XPOT: variants seen among roughly 807,000 people sequenced by gnomAD.
XPOT encodes exportin for tRNA.
A neutral mutation model predicts 128.2 loss-of-function variants in XPOT; 34 were observed. The ratio of observed to expected loss-of-function variants is 0.27; its 90% confidence interval spans 0.20 to 0.35. XPOT has a LOEUF of 0.35. Ranked by LOEUF, XPOT falls within the 10% of genes least tolerant of loss-of-function variation. The pLI is 1.00. For synonymous variants in XPOT, 348 were observed against 394.3 expected (o/e 0.88, Z 1.39); for missense variants, 838 against 1,125.3 (o/e 0.74, Z 3.65).
Position 64,416,815 on chromosome 12 carries a change from A to G in XPOT, c.200+61A>G, listed in dbSNP as rs773181235. On this transcript the variant is annotated intron_variant, in intron 4 of 24. Transcript: ENST00000332707. ...GGGGAGAGGTCATTTTTTTAATTTA[A>G]TGTTTTTCTTCCATAAGGAAACCAT... The G allele has an allele frequency of 2.8e-6, 4 of 1,408,356 alleles. No individual in the cohort carries two copies. The African/African-American group carries it at 4.3e-5, about 15-fold the overall frequency. 87.2% of individuals were successfully genotyped at this position (1,408,356 alleles called of 1,614,324 possible). A position where few individuals can be genotyped will look rare whatever the true frequency, so the allele number is the denominator to read the frequency against.
At chr12:64,419,463 A>G (rs765050325) in intron 6 of XPOT, among the ~76,000 whole-genome samples, 3 of 152,064 alleles carry the variant, frequency 2.0e-5, no homozygotes, top group Non-Finnish European at 4.4e-5. Flanking sequence ...GATTATAGGC[A>G]CATGCCACCA....
At chr12:64,437,592 A>G (rs1380916790) in intron 22 of XPOT, among the ~76,000 whole-genome samples, 1 of 152,176 alleles carries the variant, frequency 6.6e-6, no homozygotes, top group Non-Finnish European at 1.5e-5. Context: ...ATGAGACTAG[A>G]TAAAAGCCTT....
In XPOT at chr12:64,409,989, G is replaced by C. The variant is rs975460691; in HGVS notation, c.-47G>C. ...GTTTATAAATTCTTCTGTGGGATCA[G>C]AGGGCACGCCTATTACAACCAGAAA... is the stretch of plus-strand genomic sequence containing the variant. On this transcript the variant is annotated 5_prime_UTR_variant, in exon 2 of 25. Transcript: ENST00000332707. The C allele has an allele frequency of 6.6e-7, 1 of 1,524,032 alleles. No homozygotes were observed. Among genetic ancestry groups the C allele is most frequent in the East Asian group, 2.3e-5 (1 of 44,372 alleles). The allele number at this position is 1,524,032 out of a possible 1,614,324, so 94.4% of individuals were successfully genotyped here.
intron 6 of XPOT, among the ~76,000 whole-genome samples, chr12:64,419,515 G>T (rs933103761): frequency 6.6e-5 from 10 of 152,048 alleles, no homozygotes; most frequent in Non-Finnish European, 1.5e-4. Flanking sequence ...ATTGGGTTTC[G>T]CCAGGCTGTG....
intron 12 of XPOT, 61 bp downstream of exon 12, chr12:64,424,784 C>T: frequency 2.5e-6 from 4 of 1,581,872 alleles, no homozygotes; most frequent in Non-Finnish European, 3.4e-6. Flanking sequence ...TGATATGGGT[C>T]AAAATAAATG....
In XPOT at chr12:64,449,864, G is replaced by A. The variant is rs1336915430; in HGVS notation, c.*1733G>A. ...ATACTAATGAATAGCATAGCATAGT[G>A]GGTAAGAGTTTATATAGCACAGGCT... On this transcript the variant is annotated 3_prime_UTR_variant, in exon 25 of 25. Transcript: ENST00000332707. 6.6e-6 allele frequency: 1 copy of A among 152,196 alleles called. No individual in the cohort carries two copies. The highest frequency in any genetic ancestry group is 1.5e-5 in the Non-Finnish European group (1 of 68,034). 9.4% of individuals were successfully genotyped at this position (152,196 alleles called of 1,614,324 possible). A position where few individuals can be genotyped will look rare whatever the true frequency, so the allele number is the denominator to read the frequency against.
In XPOT at chr12:64,451,109, A is replaced by C. The variant is rs2040409624; in HGVS notation, c.*2978A>C. On this transcript the variant is annotated 3_prime_UTR_variant, in exon 25 of 25. Transcript: ENST00000332707. The stretch of plus-strand genomic sequence containing the variant: ...ACATTGTTTAAAATGCTAATAAAGT[A>C]ACTTGCTTTGTAAGAATTCATTAGA... The C allele has an allele frequency of 6.6e-6, 1 of 152,256 alleles. No individual in the cohort carries two copies. Among genetic ancestry groups the C allele is most frequent in the African/African-American group, 2.4e-5 (1 of 41,456 alleles). 9.4% of individuals were successfully genotyped at this position (152,256 alleles called of 1,614,324 possible). A position where few individuals can be genotyped will look rare whatever the true frequency, so the allele number is the denominator to read the frequency against.
intron 2 of XPOT, among the ~76,000 whole-genome samples, chr12:64,411,774 T>C (rs1032660532): frequency 1.1e-4 from 17 of 152,160 alleles, no homozygotes; most frequent in African/African-American, 3.9e-4. Flanking sequence ...CAGTTGTCTA[T>C]CTGTAATTCT....
Position 64,423,244 on chromosome 12 carries a change from G to T in XPOT, c.1182G>T (p.Glu394Asp). The change falls in exon 11 of 25, where the codon GAG (glutamate) becomes GAT (aspartate). Residue 394 changes from glutamate (E) to aspartate (D), a missense_variant and splice_region_variant. By Grantham distance (45) the Glu-to-Asp change is conservative. Transcript: ENST00000332707. ...TYDEEYNFEN[E>D]GEDEAMFVEY... is the part of the protein sequence containing the mutation. ...ATGAAGAATATAACTTTGAAAATGA[G>T]GTAAGAATTTTTTTTTGTTGAGGAG... is the stretch of plus-strand genomic sequence containing the variant. The T allele has an allele frequency of 1.3e-6, 2 of 1,561,848 alleles. No individual in the cohort carries two copies. The highest frequency in any genetic ancestry group is 8.6e-7 in the Non-Finnish European group (1 of 1,160,322).
chr12:64,450,524 T>C lies in XPOT; in HGVS notation c.*2393T>C, dbSNP rs1307741429. The C allele has an allele frequency of 3.3e-5, 5 of 152,226 alleles. No homozygotes were observed. The highest frequency in any genetic ancestry group is 3.3e-4 in the Admixed American group (5 of 15,274). The allele number at this position is 152,226 out of a possible 1,614,324, so 9.4% of individuals were successfully genotyped here. ...TAAAGCTCTGCAGAAGATTTACATG[T>C]GTTTATAGAGCTAAGAGAAATCAGG... On this transcript the variant is annotated 3_prime_UTR_variant, in exon 25 of 25. Transcript: ENST00000332707.
chr12:64,437,564 T>C (rs1341811059), intron 22 of XPOT, among the ~76,000 whole-genome samples: 1 of 152,154 alleles, frequency 6.6e-6, no homozygotes, highest in African/African-American at 2.4e-5. Flanking sequence ...GAGGCAGAAG[T>C]GATAGCTAAA....
At chr12:64,432,594 C>G (rs769960268) in intron 18 of XPOT, among the ~76,000 whole-genome samples, 1 of 152,148 alleles carries the variant, frequency 6.6e-6, no homozygotes, top group Non-Finnish European at 1.5e-5. Context: ...TGTACATTTA[C>G]TCATTTGATC....
intron 19 of XPOT, among the ~76,000 whole-genome samples, chr12:64,434,269 TAC>T (rs1386823743): frequency 6.6e-6 from 1 of 152,198 alleles, no homozygotes; most frequent in Non-Finnish European, 1.5e-5. Context: ...GGGCTGGAAT[TAC>T]AGACAGGAGC....
At position 64,443,788 on chromosome 12, in the gene XPOT, G is replaced by GT. The variant is rs1055957371; in HGVS notation, c.2806-1280dup. 1.4e-4 allele frequency among the ~76,000 whole-genome samples: 22 copies of GT among 151,870 alleles called. 1 individual carries two copies. The highest frequency in any genetic ancestry group is 3.4e-4 in the African/African-American group (14 of 41,316). ...GTTTTTTTGAAGTTTTTATAATGCT[G>GT]TTTTTTTCAAAAATAAAGATTTCAC... On this transcript the variant is annotated intron_variant, in intron 23 of 24. Coordinates refer to ENST00000332707, the MANE Select transcript of XPOT (RefSeq NM_007235.6).
chr12:64,424,704 G>A lies in XPOT; in HGVS notation c.1288G>A (p.Val430Ile), dbSNP rs1421037359. Residue 430 changes from valine (V) to isoleucine (I), a missense_variant, in exon 12 of 25, where the codon GTT (valine) becomes ATT (isoleucine). This residue lies in a region of XPOT where 761 missense variants were observed against 988.3 expected (regional missense o/e 0.77). Coordinates refer to ENST00000332707, the MANE Select transcript of XPOT (RefSeq NM_007235.6). ...GTTACTACTGGCCTCTGTTCGCAGA[G>A]TTTTTAGTTCTACACTGCAGTAAGT... Reference protein sequence around the residue: ...PELLLASVRRVFSSTLQNWQT... With the variant: ...PELLLASVRRIFSSTLQNWQT... The A allele has an allele frequency of 6.2e-7, 1 of 1,613,738 alleles. No individual in the cohort carries two copies. Among genetic ancestry groups the A allele is most frequent in the African/African-American group, 1.3e-5 (1 of 75,034 alleles).
chr12:64,425,614 T>C, intron 14 of XPOT, 157 bp downstream of exon 14: 4 of 1,070,062 alleles, frequency 3.7e-6, no homozygotes, highest in Non-Finnish European at 5.4e-6. Context: ...TTCTTTTAAA[T>C]GGATAGTTTG....
In XPOT at chr12:64,423,012, T is replaced by G. The variant is rs1179549591; in HGVS notation, c.1088T>G (p.Val363Gly). 1.9e-6 allele frequency: 3 copies of G among 1,613,162 alleles called. No individual in the cohort carries two copies. Among genetic ancestry groups the G allele is most frequent in the Admixed American group, 1.7e-5 (1 of 59,942 alleles). The change falls in exon 10 of 25, where the codon GTG becomes GGG. Residue 363 changes from valine to glycine, a missense_variant. Val to Gly is a moderately radical substitution (Grantham distance 109, BLOSUM62 -3). Transcript: ENST00000332707. ...DYLHILKQLTVLSDQQKANVE... is the reference protein window; with the variant it reads ...DYLHILKQLTGLSDQQKANVE... The stretch of plus-strand genomic sequence containing the variant: ...TTGCTTCCTTTTTAACAGCTTACAG[T>G]GCTCTCGGATCAGCAAAAAGCTAAT...
At chr12:64,433,236 G>A (rs926585976) in intron 18 of XPOT, among the ~76,000 whole-genome samples, 178 bp from the exon 19 acceptor site, 2 of 152,218 alleles carry the variant, frequency 1.3e-5, no homozygotes, top group African/African-American at 4.8e-5. Flanking sequence ...GTGAGCCACT[G>A]CGTCTGGCCT....
Position 64,430,137 on chromosome 12 carries a change from C to T in XPOT, c.1826C>T (p.Pro609Leu), listed in dbSNP as rs751540714. The change falls in exon 17 of 25, where the codon CCG becomes CTG. Residue 609 changes from proline to leucine, a missense_variant. By Grantham distance (98) the Pro-to-Leu change is moderately conservative. Coordinates refer to ENST00000332707, the MANE Select transcript of XPOT (RefSeq NM_007235.6). ...AGVLIVNSEY[P>L]AERKQALMRN... Reference sequence around the variant, plus strand: ...GTGCTGATTGTTAATAGTGAATATCCGGCAGAAAGGAAACAAGCCTTAATG... The same window carrying T: ...GTGCTGATTGTTAATAGTGAATATCTGGCAGAAAGGAAACAAGCCTTAATG... 15 of 1,613,606 alleles carry T rather than the reference C, an allele frequency of 9.3e-6. No individual in the cohort carries two copies. Among genetic ancestry groups the T allele is most frequent in the Admixed American group, 3.3e-5 (2 of 59,948 alleles).
Sources: allele counts gnomAD v4.1 joint callset (sites outside exome capture counted in the v4.1 genomes callset), GRCh38; gene constraint gnomAD v4.1.1; regional missense constraint gnomAD v4.1.1; transcripts MANE v1.5; gene names NCBI Gene and HGNC (gene_info 2026-07-23, HGNC 2026-07-21).